MSRA: variants seen among roughly 807,000 people sequenced by gnomAD.
MSRA encodes methionine sulfoxide reductase A, also known as mitochondrial peptide methionine sulfoxide reductase.
In MSRA, 54 loss-of-function variants were observed where a neutral mutation model predicts 31.3. The observed-to-expected ratio is 1.73, with a 90% CI of 1.39 to 2.17. The LOEUF (loss-of-function observed/expected upper bound fraction) is 2.17. Among genes scored for constraint, MSRA ranks in the 30% most tolerant of loss-of-function variants. The pLI, the probability that MSRA is intolerant of heterozygous loss-of-function variation, is 0.00. For missense variants in MSRA, 507 were observed against 300.9 expected (o/e 1.69, Z -5.07); for synonymous variants, 169 against 116.5 (o/e 1.45, Z -2.90).
At chr8:10,376,222 G>A (rs919519806) in intron 5 of MSRA, among the ~76,000 whole-genome samples, 6 of 152,146 alleles carry the variant, frequency 3.9e-5, no homozygotes, top group African/African-American at 1.4e-4. Flanking sequence ...GTACATGGGC[G>A]ATCACATGTC....
chr8:10,172,883 G>C (rs956191180), intron 1 of MSRA, among the ~76,000 whole-genome samples: 6 of 152,216 alleles, frequency 3.9e-5, no homozygotes, highest in African/African-American at 1.4e-4. Flanking sequence ...ATGAAAGTGA[G>C]TCTTAAAGAG....
intron 1 of MSRA, among the ~76,000 whole-genome samples, chr8:10,116,206 G>A (rs1314692788): frequency 2.0e-5 from 3 of 152,204 alleles, no homozygotes; most frequent in Admixed American, 6.5e-5. Context: ...GGCCCAGGAT[G>A]CCGTTGAGTG....
intron 3 of MSRA, among the ~76,000 whole-genome samples, chr8:10,299,757 G>A (rs1585403532): frequency 6.6e-6 from 1 of 152,092 alleles, no homozygotes; most frequent in African/African-American, 2.4e-5. Flanking sequence ...GACTGAGACT[G>A]GCCCTCAAAA....
chr8:10,386,647 C>A (rs779138805), intron 5 of MSRA, among the ~76,000 whole-genome samples: 4 of 152,086 alleles, frequency 2.6e-5, no homozygotes, highest in Non-Finnish European at 5.9e-5. Context: ...AGCAGGACTG[C>A]GGTCCCAAAA....
At chr8:10,415,078 G>C (rs902910899) in intron 5 of MSRA, among the ~76,000 whole-genome samples, 2 of 152,184 alleles carry the variant, frequency 1.3e-5, no homozygotes, top group Non-Finnish European at 2.9e-5. Context: ...ACCATCCTGC[G>C]GGTGGAGGGT....
intron 5 of MSRA, among the ~76,000 whole-genome samples, chr8:10,405,041 C>T (rs576010050): frequency 4.6e-5 from 7 of 152,322 alleles, no homozygotes; most frequent in East Asian, 1.9e-4. Context: ...ATCTGTTTCC[C>T]GGAGTGTGGT....
chr8:10,363,897 G>T (rs915538659), intron 5 of MSRA, among the ~76,000 whole-genome samples: 1 of 152,128 alleles, frequency 6.6e-6, no homozygotes, highest in Non-Finnish European at 1.5e-5. Context: ...CACCACTGCA[G>T]TCCAGCCTGG....
intron 4 of MSRA, among the ~76,000 whole-genome samples, chr8:10,310,702 G>A (rs1448688753): frequency 2.0e-5 from 3 of 152,204 alleles, no homozygotes; most frequent in Non-Finnish European, 4.4e-5. Context: ...TTTGGCACAA[G>A]CCACTTACTA....
chr8:10,194,582 A>C (rs749521726), intron 1 of MSRA, among the ~76,000 whole-genome samples: 10 of 152,204 alleles, frequency 6.6e-5, no homozygotes, highest in Non-Finnish European at 1.3e-4. Context: ...AAAAACAATT[A>C]ACATATTACT....
intron 3 of MSRA, among the ~76,000 whole-genome samples, chr8:10,281,668 A>G (rs1799630414): frequency 1.3e-5 from 2 of 151,990 alleles, no homozygotes; most frequent in African/African-American, 4.8e-5. Flanking sequence ...GGAAAATGGT[A>G]TCAAATCTAC....
At chr8:10,140,333 T>C (rs1300818882) in intron 1 of MSRA, among the ~76,000 whole-genome samples, 3 of 152,222 alleles carry the variant, frequency 2.0e-5, no homozygotes, top group Non-Finnish European at 4.4e-5. Flanking sequence ...TAGAGTAGCC[T>C]TCCTGCTTCT....
At chr8:10,211,588 C>G (rs1463869294) in intron 2 of MSRA, among the ~76,000 whole-genome samples, 4 of 152,142 alleles carry the variant, frequency 2.6e-5, no homozygotes, top group Non-Finnish European at 4.4e-5. Context: ...TGAGTGCCCC[C>G]TTGGCTCTCA....
chr8:10,427,344 G>C (rs1809240524), intron 5 of MSRA, among the ~76,000 whole-genome samples: 1 of 152,212 alleles, frequency 6.6e-6, no homozygotes, highest in Admixed American at 6.5e-5. Flanking sequence ...CTATTTCTTA[G>C]TCTGTCTCCT....
At chr8:10,363,200 T>C (rs1238313729) in intron 5 of MSRA, among the ~76,000 whole-genome samples, 3 of 152,236 alleles carry the variant, frequency 2.0e-5, no homozygotes, top group African/African-American at 7.2e-5. Context: ...CTAGTTCATT[T>C]TCCAGCTGGG....
chr8:10,193,589 A>C (rs1039762444), intron 1 of MSRA, among the ~76,000 whole-genome samples: 1 of 152,188 alleles, frequency 6.6e-6, no homozygotes, highest in Non-Finnish European at 1.5e-5. Context: ...TTAAAGAGCC[A>C]CTACCATCTC....
chr8:10,171,333 G>C (rs1805568527), intron 1 of MSRA, among the ~76,000 whole-genome samples: 1 of 149,128 alleles, frequency 6.7e-6, no homozygotes, highest in Admixed American at 6.7e-5. Flanking sequence ...TGACAGACCT[G>C]ACATTTTAAG....
intron 2 of MSRA, among the ~76,000 whole-genome samples, chr8:10,217,950 AG>A (rs1563230637): frequency 6.6e-6 from 1 of 151,986 alleles, no homozygotes; most frequent in African/African-American, 2.4e-5. Context: ...TATTTATTTA[AG>A]AAATTAAATA....
intron 1 of MSRA, among the ~76,000 whole-genome samples, chr8:10,124,357 G>A (rs1238458714): frequency 6.6e-6 from 1 of 152,186 alleles, no homozygotes; most frequent in African/African-American, 2.4e-5. Context: ...AAGGAGAGGG[G>A]AATGGTGGTT....
chr8:10,166,028 C>T (rs1267111049), intron 1 of MSRA, among the ~76,000 whole-genome samples: 1 of 152,110 alleles, frequency 6.6e-6, no homozygotes, highest in African/African-American at 2.4e-5. Context: ...GCACAAGGTA[C>T]CCAAGACCGT....
Sources: gnomAD v4.1 joint callset for allele counts (sites outside exome capture counted in the v4.1 genomes callset) on GRCh38, gnomAD v4.1.1 for gene constraint, MANE v1.5 for transcripts, NCBI Gene and HGNC (gene_info 2026-07-23, HGNC 2026-07-21) for gene names.